The following IL18RAP variants were observed in gnomAD, a reference collection of about 807,000 sequenced individuals.
IL18RAP encodes the protein interleukin-18 receptor accessory protein.
Under a neutral mutation model 58.1 loss-of-function variants are expected in IL18RAP, and 37 were observed. The ratio of observed to expected loss-of-function variants is 0.64; its 90% CI spans 0.49 to 0.84. The LOEUF (loss-of-function observed/expected upper bound fraction) is 0.84, where lower values mean the gene tolerates loss of function less well. Among genes scored for constraint, IL18RAP ranks in the 40% least tolerant of loss-of-function variants. The pLI is 0.00. For missense variants in IL18RAP, 667 were observed against 704.8 expected, an observed-to-expected ratio of 0.95 and a Z score of 0.61; for synonymous variants, 268 against 257.5, an observed-to-expected ratio of 1.04 and a Z score of -0.39.
At chr2:102,449,123 C>T (rs1283641131) in intron 8 of IL18RAP, among the ~76,000 whole-genome samples, 7 of 151,900 alleles carry the variant, frequency 4.6e-5, no homozygotes, top group Non-Finnish European at 2.9e-5. Flanking sequence ...CAAAATGTAG[C>T]CAGGCTTGGT....
chr2:102,445,230 T>A lies in IL18RAP; in HGVS notation c.962T>A (p.Ile321Asn). 2.5e-6 allele frequency: 4 copies of A among 1,614,106 alleles called. No homozygotes were observed. The highest frequency in any genetic ancestry group is 3.4e-6 in the Non-Finnish European group (4 of 1,179,970). The change falls in exon 7 of 10, where the codon ATC (isoleucine) becomes AAC (asparagine). Residue 321 changes from isoleucine to asparagine, a missense_variant. Coordinates refer to ENST00000687160, the MANE Select transcript of IL18RAP (RefSeq NM_001393487.1). ...AAGGATGAAATCATTGAGCGTAATATCATCTTGGAAAAAGTCACTCAGCGT... is the reference window on the plus strand; with the variant it reads ...AAGGATGAAATCATTGAGCGTAATAACATCTTGGAAAAAGTCACTCAGCGT... ...TLKDEIIERNIILEKVTQRDL... is the reference protein window; with the variant it reads ...TLKDEIIERNNILEKVTQRDL...
chr2:102,446,653 T>A (rs1431346824), intron 7 of IL18RAP, among the ~76,000 whole-genome samples: 1 of 152,036 alleles, frequency 6.6e-6, no homozygotes, highest in Non-Finnish European at 1.5e-5. Flanking sequence ...CAAAAAAAAT[T>A]AGCCGGGCGT....
chr2:102,439,082 T>TAATA (rs1331894231), intron 4 of IL18RAP: 5 of 152,264 alleles, frequency 3.3e-5, no homozygotes, highest in Non-Finnish European at 5.9e-5. Context: ...CACACTCTTC[T>TAATA]AATACGTGTT....
chr2:102,430,977 C>T (rs1267135952), intron 3 of IL18RAP, among the ~76,000 whole-genome samples: 1 of 152,130 alleles, frequency 6.6e-6, no homozygotes, highest in East Asian at 1.9e-4. Flanking sequence ...ACCACCCTTA[C>T]ATTATTAATG....
chr2:102,428,370 C>T (rs1682103517), intron 3 of IL18RAP, among the ~76,000 whole-genome samples: 2 of 118,820 alleles, frequency 1.7e-5, no homozygotes, highest in South Asian at 2.5e-4. Context: ...TCTTCCATTC[C>T]TTTTGTTAGT....
chr2:102,425,302 G>A (rs984546787), intron 3 of IL18RAP, among the ~76,000 whole-genome samples: 1 of 152,064 alleles, frequency 6.6e-6, no homozygotes, highest in Admixed American at 6.5e-5. Flanking sequence ...GTTATCTAAT[G>A]GTTTAATGCA....
chr2:102,450,951 T>G lies in IL18RAP; in HGVS notation c.1314T>G (p.Phe438Leu), dbSNP rs750084556. 6 of 1,611,958 alleles carry G rather than the reference T, an allele frequency of 3.7e-6. No homozygotes were observed. Among genetic ancestry groups the G allele is most frequent in the Non-Finnish European group, 5.1e-6 (6 of 1,179,112 alleles). Residue 438 changes from phenylalanine to leucine, a missense_variant, in exon 9 of 10, where the codon TTT (phenylalanine) becomes TTG (leucine). Phe to Leu is a conservative substitution (Grantham distance 22, BLOSUM62 0). Transcript: ENST00000687160. ...LSEEHLALSL[F>L]PDVLENKYGY... ...AAGAACACTTGGCCCTGAGCCTATT[T>G]CCTGATGTTTTAGAAAACAAATATG...
chr2:102,433,061 A>G (rs749718049), intron 3 of IL18RAP, among the ~76,000 whole-genome samples: 1 of 152,174 alleles, frequency 6.6e-6, no homozygotes, highest in Non-Finnish European at 1.5e-5. Flanking sequence ...GCACCGAGAT[A>G]TGAGTTTTGA....
At chr2:102,421,561 A>G (rs1468350211), upstream of IL18RAP, among the ~76,000 whole-genome samples, 1 of 152,202 alleles carries the variant, frequency 6.6e-6, no homozygotes, top group Non-Finnish European at 1.5e-5. Context: ...TTTAAAGGCC[A>G]TTGCTGATCC....
At chr2:102,436,631 A>C (rs1172126252) in intron 3 of IL18RAP, among the ~76,000 whole-genome samples, 1 of 152,128 alleles carries the variant, frequency 6.6e-6, no homozygotes, top group Non-Finnish European at 1.5e-5. Flanking sequence ...GAACCAGAAA[A>C]AAATGAGGTT....
At chr2:102,424,891 T>A (rs558327722) in intron 3 of IL18RAP, among the ~76,000 whole-genome samples, 2 of 152,306 alleles carry the variant, frequency 1.3e-5, no homozygotes, top group Admixed American at 6.5e-5. Flanking sequence ...GAGTGACAGA[T>A]GTCTTGCACA....
At chr2:102,448,475 T>C (rs1284972597) in intron 8 of IL18RAP, among the ~76,000 whole-genome samples, 1 of 152,176 alleles carries the variant, frequency 6.6e-6, no homozygotes, top group African/African-American at 2.4e-5. Context: ...GTCCTGGAAA[T>C]CTCCAAGGTT....
intron 4 of IL18RAP, chr2:102,439,814 A>G (rs996651099): frequency 6.6e-6 from 1 of 152,250 alleles, no homozygotes; most frequent in Admixed American, 6.5e-5. Context: ...GACGACAAGT[A>G]GGTATTTGGA....
At chr2:102,451,214 A>G (rs1234864010) in intron 9 of IL18RAP, among the ~76,000 whole-genome samples, 193 bp downstream of exon 9, 1 of 152,228 alleles carries the variant, frequency 6.6e-6, no homozygotes, top group Non-Finnish European at 1.5e-5. Flanking sequence ...CATCTGCAGA[A>G]GAAGACAATC....
At chr2:102,421,036 A>G (rs1681543088), upstream of IL18RAP, among the ~76,000 whole-genome samples, 1 of 152,130 alleles carries the variant, frequency 6.6e-6, no homozygotes, top group Admixed American at 6.5e-5. Flanking sequence ...GTAAGGAACA[A>G]CTGATCTACT....
At chr2:102,433,227 GT>G (rs1012734026) in intron 3 of IL18RAP, among the ~76,000 whole-genome samples, 1 of 152,140 alleles carries the variant, frequency 6.6e-6, no homozygotes, top group Non-Finnish European at 1.5e-5. Flanking sequence ...GAAGGTTTTT[GT>G]TTGTTTGTTT....
chr2:102,443,107 G>C, intron 5 of IL18RAP, 93 bp from the exon 6 acceptor site: 1 of 1,259,386 alleles, frequency 7.9e-7, no homozygotes, highest in East Asian at 2.4e-5. Flanking sequence ...GATTGCATCA[G>C]GAGACAGCTT....
At chr2:102,437,845 A>C (rs1230227633) in intron 4 of IL18RAP, among the ~76,000 whole-genome samples, 1 of 152,050 alleles carries the variant, frequency 6.6e-6, no homozygotes, top group Non-Finnish European at 1.5e-5. Flanking sequence ...TTATGTTTTT[A>C]TGCTTTTTCT....
upstream of IL18RAP, among the ~76,000 whole-genome samples, chr2:102,420,747 G>A (rs1182810875): frequency 6.6e-6 from 1 of 152,176 alleles, no homozygotes; most frequent in Non-Finnish European, 1.5e-5. Context: ...TTCTAAGGTG[G>A]AGGAACTACT....
Sources: gnomAD v4.1 joint callset for allele counts (sites outside exome capture counted in the v4.1 genomes callset) on GRCh38, gnomAD v4.1.1 for gene constraint, MANE v1.5 for transcripts, NCBI Gene and HGNC (gene_info 2026-07-23, HGNC 2026-07-21) for gene names.